The following LPP variants were observed in gnomAD, a reference collection of about 807,000 sequenced individuals.
The protein encoded by LPP is lipoma-preferred partner.
Under a neutral mutation model 60.4 loss-of-function variants are expected in LPP, and 38 were observed. The observed-to-expected ratio is 0.63, with a 90% CI of 0.49 to 0.83. LPP has a LOEUF of 0.83. Ranked by LOEUF, LPP falls within the 40% of genes least tolerant of loss-of-function variation. LPP has a pLI of 0.00. For synonymous variants in LPP, 328 were observed against 290.8 expected (o/e 1.13, Z -1.30); for missense variants, 902 against 783.6 (o/e 1.15, Z -1.80).
intron 9 of LPP, among the ~76,000 whole-genome samples, chr3:188,864,940 A>G (rs1395127426): frequency 6.6e-6 from 1 of 152,220 alleles, no homozygotes; most frequent in Non-Finnish European, 1.5e-5. Flanking sequence ...ATCATAGGTC[A>G]TTGCTATAGG....
intron 8 of LPP, among the ~76,000 whole-genome samples, chr3:188,732,716 C>CAAAAAAAA (rs1167795146): frequency 5.4e-5 from 4 of 74,332 alleles, no homozygotes; most frequent in Non-Finnish European, 7.2e-5. Flanking sequence ...AGACTCTTAT[C>CAAAAAAAA]AAAAAAAAAA....
intron 4 of LPP, among the ~76,000 whole-genome samples, chr3:188,406,994 A>C (rs565649629): frequency 6.6e-6 from 1 of 152,194 alleles, no homozygotes; most frequent in South Asian, 2.1e-4. Flanking sequence ...TATAAATGGT[A>C]CCATACTCTT....
At chr3:188,221,149 A>G (rs1166758643) in intron 1 of LPP, among the ~76,000 whole-genome samples, 4 of 152,072 alleles carry the variant, frequency 2.6e-5, no homozygotes, top group African/African-American at 9.7e-5. Flanking sequence ...GCCTCACCAG[A>G]TTAGTCACTT....
chr3:188,185,282 A>C (rs973621495), intron 1 of LPP, among the ~76,000 whole-genome samples: 2 of 151,536 alleles, frequency 1.3e-5, no homozygotes, highest in African/African-American at 2.4e-5. Context: ...GGGTGGGGGG[A>C]ATATTCTTAC....
chr3:188,594,468 G>C (rs1839592228), intron 6 of LPP, among the ~76,000 whole-genome samples: 1 of 152,116 alleles, frequency 6.6e-6, no homozygotes, highest in African/African-American at 2.4e-5. Context: ...CTGGAATTCT[G>C]AAAAAATTCT....
At chr3:188,677,297 C>T (rs1481468210) in intron 7 of LPP, among the ~76,000 whole-genome samples, 2 of 152,176 alleles carry the variant, frequency 1.3e-5, no homozygotes, top group Non-Finnish European at 2.9e-5. Flanking sequence ...TAGAATCTAA[C>T]ATTTTCTTCA....
At chr3:188,305,294 A>G (rs1252461380) in intron 2 of LPP, among the ~76,000 whole-genome samples, 1 of 152,206 alleles carries the variant, frequency 6.6e-6, no homozygotes, top group Non-Finnish European at 1.5e-5. Flanking sequence ...CAAGTCAACA[A>G]CCATTTTACT....
chr3:188,614,308 C>T (rs1461215346), intron 7 of LPP, among the ~76,000 whole-genome samples: 3 of 151,972 alleles, frequency 2.0e-5, no homozygotes, highest in East Asian at 1.9e-4. Context: ...GAGAGTTATC[C>T]GTATGGTAAT....
intron 6 of LPP, 150 bp downstream of exon 6, chr3:188,524,937 T>G (rs1820132331): frequency 3.2e-6 from 2 of 626,240 alleles, no homozygotes; most frequent in Non-Finnish European, 2.5e-6. Flanking sequence ...CCTTCCTTCC[T>G]TCCTTCCTTC....
At chr3:188,211,297 T>A (rs1734624909) in intron 1 of LPP, among the ~76,000 whole-genome samples, 1 of 152,160 alleles carries the variant, frequency 6.6e-6, no homozygotes, top group South Asian at 2.1e-4. Flanking sequence ...GTTTATAGCT[T>A]GAAGACTTCC....
intron 6 of LPP, among the ~76,000 whole-genome samples, chr3:188,535,907 G>A (rs1823447917): frequency 6.6e-6 from 1 of 151,872 alleles, no homozygotes; most frequent in Non-Finnish European, 1.5e-5. Flanking sequence ...TATTCAGTGA[G>A]AGGAAAGAAG....
intron 6 of LPP, among the ~76,000 whole-genome samples, chr3:188,547,718 A>G (rs908244511): frequency 1.1e-4 from 17 of 152,192 alleles, no homozygotes; most frequent in African/African-American, 4.1e-4. Context: ...TCTAATCCTT[A>G]AAGTCGTGTC....
intron 7 of LPP, among the ~76,000 whole-genome samples, chr3:188,646,342 G>A (rs1216359240): frequency 6.6e-6 from 1 of 152,090 alleles, no homozygotes; most frequent in Non-Finnish European, 1.5e-5. Flanking sequence ...TTCTGTTTAC[G>A]GAGGCAGTCC....
chr3:188,248,497 T>TATATATATATAC (rs1288280759), intron 2 of LPP, among the ~76,000 whole-genome samples: 14 of 140,712 alleles, frequency 9.9e-5, no homozygotes, highest in South Asian at 2.3e-4. Context: ...TATATATATA[T>TATATATATATAC]ACAGTCAGCA....
chr3:188,406,638 T>C (rs916288987), intron 4 of LPP, among the ~76,000 whole-genome samples: 1 of 152,232 alleles, frequency 6.6e-6, no homozygotes, highest in African/African-American at 2.4e-5. Flanking sequence ...TGTAGGGTTT[T>C]AGCTACCAGA....
At chr3:188,431,309 A>C (rs111258877) in intron 4 of LPP, among the ~76,000 whole-genome samples, 2,151 of 152,210 alleles carry the variant, frequency 0.014, 41 homozygotes, top group African/African-American at 0.049. Flanking sequence ...AGAAAGGCAA[A>C]GCTAGAGTCA....
chr3:188,583,791 G>A (rs1229858301), intron 6 of LPP, among the ~76,000 whole-genome samples: 1 of 152,112 alleles, frequency 6.6e-6, no homozygotes, highest in Non-Finnish European at 1.5e-5. Context: ...CTTTCCTTCT[G>A]TATCATAAAA....
At chr3:188,544,496 T>G (rs1399862428) in intron 6 of LPP, among the ~76,000 whole-genome samples, 3 of 151,100 alleles carry the variant, frequency 2.0e-5, no homozygotes, top group Non-Finnish European at 2.9e-5. Context: ...AAAAAACACA[T>G]GAAAAAATGC....
chr3:188,846,107 G>A (rs987667214), intron 9 of LPP, among the ~76,000 whole-genome samples: 3 of 152,206 alleles, frequency 2.0e-5, no homozygotes, highest in Non-Finnish European at 2.9e-5. Flanking sequence ...GTCAGGGGAT[G>A]CAAAAGATGA....
Sources: allele counts gnomAD v4.1 joint callset (sites outside exome capture counted in the v4.1 genomes callset), GRCh38; gene constraint gnomAD v4.1.1; transcripts MANE v1.5; gene names NCBI Gene and HGNC (gene_info 2026-07-23, HGNC 2026-07-21).